The following UBAC2 variants were observed in gnomAD, a reference collection of about 807,000 sequenced individuals.
The protein encoded by UBAC2 is ubiquitin-associated domain-containing protein 2.
In UBAC2, 26 loss-of-function variants were observed where a neutral mutation model predicts 44.0. The observed-to-expected ratio is 0.59, with a 90% confidence interval of 0.43 to 0.82. The LOEUF (loss-of-function observed/expected upper bound fraction) is 0.82. Ranked by LOEUF, UBAC2 falls within the 40% of genes least tolerant of loss-of-function variation. The probability of loss-of-function intolerance (pLI) is 0.00; values close to 1 mark genes in which losing one functional copy is unlikely to be tolerated. For missense variants in UBAC2, 329 were observed against 419.4 expected (o/e 0.78, Z 1.88); for synonymous variants, 155 against 154.3 (o/e 1.00, Z -0.04).
intron 4 of UBAC2, among the ~76,000 whole-genome samples, chr13:99,297,749 A>G (rs1402971117): frequency 6.6e-6 from 1 of 152,124 alleles, no homozygotes; most frequent in East Asian, 1.9e-4. Flanking sequence ...GGGATGTGTC[A>G]CAACAAACTT....
In UBAC2 at chr13:99,292,074, A is replaced by G. The variant is rs533247420; in HGVS notation, c.390-22023A>G. Among the ~76,000 whole-genome samples the G allele has an allele frequency of 9.9e-5, 15 of 152,150 alleles. No homozygotes were observed. The South Asian group carries it at 3.1e-3, about 32-fold the overall frequency. ...GGCTTCTAACACCTTTTCAGGGGCC[A>G]CATGATTGAGTTGTCTTCTTTATGG... On this transcript the variant is annotated intron_variant, in intron 4 of 8. Transcript: ENST00000403766.
intron 7 of UBAC2, among the ~76,000 whole-genome samples, chr13:99,345,025 G>A (rs1217280426): frequency 6.6e-6 from 1 of 152,164 alleles, no homozygotes; most frequent in Non-Finnish European, 1.5e-5. Context: ...GACTGATGCT[G>A]CCAAAAAAGA....
At chr13:99,384,163 C>A (rs1324423760) in intron 8 of UBAC2, among the ~76,000 whole-genome samples, 1 of 152,150 alleles carries the variant, frequency 6.6e-6, no homozygotes, top group Non-Finnish European at 1.5e-5. Flanking sequence ...CATGTAGCAC[C>A]AAGTAGCTCG....
chr13:99,288,321 C>A (rs777857539), intron 4 of UBAC2, among the ~76,000 whole-genome samples: 1 of 152,184 alleles, frequency 6.6e-6, no homozygotes, highest in Admixed American at 6.5e-5. Context: ...CAGAAAGTAA[C>A]GTGGCCCCTG....
chr13:99,283,875 C>T (rs775370315), intron 4 of UBAC2, among the ~76,000 whole-genome samples: 1 of 151,942 alleles, frequency 6.6e-6, no homozygotes, highest in Non-Finnish European at 1.5e-5. Flanking sequence ...GCTGAAATTA[C>T]AGGCGTGTGC....
rs761864458 is a variant in UBAC2, at chr13:99,318,002, C to CTTTTTTTTTTT, written c.514-10_514-9insTTTTTTTTTTT. ...GCAGTTGAATTTTATTTTTAGTTGC[C>CTTTTTTTTTTT]TTTTTTTTTTCTTTTATAGCTTTTC... On this transcript the variant is annotated intron_variant, in intron 5 of 8. Coordinates refer to ENST00000403766, the MANE Select transcript of UBAC2 (RefSeq NM_001144072.2). The CTTTTTTTTTTT allele has an allele frequency of 7.1e-7, 1 of 1,412,124 alleles. No homozygotes were observed. Among genetic ancestry groups the CTTTTTTTTTTT allele is most frequent in the African/African-American group, 1.5e-5 (1 of 68,186 alleles). 87.5% of individuals were successfully genotyped at this position (1,412,124 alleles called of 1,614,324 possible).
chr13:99,353,727 T>TC (rs1033970832), intron 7 of UBAC2, among the ~76,000 whole-genome samples: 16 of 119,774 alleles, frequency 1.3e-4, no homozygotes, highest in African/African-American at 3.3e-4. Flanking sequence ...AAGTTTTTCC[T>TC]CCCCAAAAAA....
intron 1 of UBAC2, among the ~76,000 whole-genome samples, chr13:99,237,368 A>C (rs2043249358): frequency 6.6e-6 from 1 of 152,158 alleles, no homozygotes; most frequent in Non-Finnish European, 1.5e-5. Flanking sequence ...GAACTAGAAG[A>C]CATGTAAGTG....
intron 7 of UBAC2, among the ~76,000 whole-genome samples, chr13:99,359,038 C>A (rs965037399): frequency 1.3e-5 from 2 of 152,104 alleles, no homozygotes; most frequent in African/African-American, 4.8e-5. Flanking sequence ...ACACTCCCCA[C>A]ATGGAACCTT....
chr13:99,350,728 G>GT (rs1195150269), intron 7 of UBAC2, among the ~76,000 whole-genome samples: 1 of 152,258 alleles, frequency 6.6e-6, no homozygotes, highest in Admixed American at 6.5e-5. Flanking sequence ...AACCCAAGGA[G>GT]TGGACCACGG....
intron 1 of UBAC2, among the ~76,000 whole-genome samples, chr13:99,229,026 G>C (rs1423435968): frequency 6.6e-6 from 1 of 152,180 alleles, no homozygotes; most frequent in Non-Finnish European, 1.5e-5. Context: ...CCATCAGTGA[G>C]GCTTTTCTGT....
intron 4 of UBAC2, among the ~76,000 whole-genome samples, chr13:99,271,222 G>A (rs1049294997): frequency 6.6e-6 from 1 of 152,342 alleles, no homozygotes; most frequent in African/African-American, 2.4e-5. Context: ...GGGAATGCCA[G>A]GGTGTGAGTG....
intron 1 of UBAC2, among the ~76,000 whole-genome samples, chr13:99,206,223 G>A (rs1265845394): frequency 6.6e-6 from 1 of 152,206 alleles, no homozygotes; most frequent in Non-Finnish European, 1.5e-5. Flanking sequence ...GAGCTGGACT[G>A]GATTGGACAT....
At chr13:99,229,925 C>T (rs576075970) in intron 1 of UBAC2, among the ~76,000 whole-genome samples, 7 of 152,296 alleles carry the variant, frequency 4.6e-5, no homozygotes, top group Admixed American at 3.9e-4. Context: ...CAGTGTTTGC[C>T]TTCTTCCTGT....
At chr13:99,339,015 T>TC (rs770497954) in intron 6 of UBAC2, among the ~76,000 whole-genome samples, 16 of 151,916 alleles carry the variant, frequency 1.1e-4, no homozygotes, top group Middle Eastern at 6.8e-3. Flanking sequence ...TGTCTCCTCC[T>TC]CCCCCCCATT....
chr13:99,254,931 A>G (rs2043515692), intron 4 of UBAC2: 1 of 1,614,016 alleles, frequency 6.2e-7, no homozygotes, highest in Admixed American at 1.7e-5. Context: ...CAGATCGGAA[A>G]CTTTTTCTGC....
intron 4 of UBAC2, among the ~76,000 whole-genome samples, chr13:99,309,506 A>G (rs1266958074): frequency 6.6e-6 from 1 of 152,220 alleles, no homozygotes; most frequent in Admixed American, 6.5e-5. Context: ...AGATCATTTC[A>G]TGAGCTCACA....
chr13:99,365,556 G>T lies in UBAC2; in HGVS notation c.808-2231G>T, dbSNP rs540808900. On this transcript the variant is annotated intron_variant, in intron 7 of 8. Transcript: ENST00000403766. ...GAGGATTTTTTTGGTTTCCAAATGTGTGAGGTTTTTTGTTTTAGTTATTAT... is the reference window on the plus strand; with the variant it reads ...GAGGATTTTTTTGGTTTCCAAATGTTTGAGGTTTTTTGTTTTAGTTATTAT... Among the ~76,000 whole-genome samples the T allele has an allele frequency of 1.3e-3, 198 of 151,906 alleles. 2 individuals are homozygous for T. Among genetic ancestry groups the T allele is most frequent in the Admixed American group, 4.4e-3 (67 of 15,262 alleles).
At position 99,337,689 on chromosome 13, in the gene UBAC2, G is replaced by A. The variant is rs572835877; in HGVS notation, c.562-2631G>A. On this transcript the variant is annotated intron_variant, in intron 6 of 8. Transcript: ENST00000403766. ...TTCTGGAACCCCTATGCTGACAGCC[G>A]CATGAGATGCACATAATCTGCCTGT... Among the ~76,000 whole-genome samples, 83 of 152,118 alleles carry A rather than the reference G, an allele frequency of 5.5e-4. 2 individuals are homozygous for A. Among genetic ancestry groups the A allele is most frequent in the South Asian group, 3.5e-3 (17 of 4,824 alleles).
Sources: allele counts gnomAD v4.1 joint callset (sites outside exome capture counted in the v4.1 genomes callset), GRCh38; gene constraint gnomAD v4.1.1; transcripts MANE v1.5; gene names NCBI Gene and HGNC (gene_info 2026-07-23, HGNC 2026-07-21).